Variants in NUP205 observed in about 807,000 individuals in gnomAD.
NUP205 encodes nucleoporin 205.
In NUP205, 76 loss-of-function variants were observed where a neutral mutation model predicts 253.8. The observed-to-expected ratio is 0.30, with a 90% CI of 0.25 to 0.36. NUP205 has a LOEUF of 0.36. Among genes scored for constraint, NUP205 ranks in the 10% least tolerant of loss-of-function variants. The pLI is 1.00. For missense variants in NUP205, 2,162 were observed against 2,425.5 expected (o/e 0.89, Z 2.28); for synonymous variants, 832 against 850.1 (o/e 0.98, Z 0.37).
chr7:135,602,088 C>G (rs1309701249), intron 17 of NUP205, among the ~76,000 whole-genome samples: 1 of 152,214 alleles, frequency 6.6e-6, no homozygotes, highest in African/African-American at 2.4e-5. Flanking sequence ...ACCTAGTCAT[C>G]TTGGCTCCAG....
Position 135,606,773 on chromosome 7 carries a change from A to G in NUP205, c.2928A>G (p.Leu976=). Residue 976 remains leucine (L), a synonymous_variant, in exon 21 of 43, where the codon TTA becomes TTG. Coordinates refer to ENST00000285968, the MANE Select transcript of NUP205 (RefSeq NM_015135.3). ...LEEGSELEKK[L]VAIRHETRIH... ...AAGGATCAGAACTTGAAAAGAAATT[A>G]GTTGCAATTCGTCATGAAACAAGAA... 6.2e-7 allele frequency: 1 copy of G among 1,613,700 alleles called. No individual in the cohort carries two copies. The highest frequency in any genetic ancestry group is 1.1e-5 in the South Asian group (1 of 91,056).
chr7:135,614,033 C>T (rs1200628001), intron 22 of NUP205, 126 bp from the exon 23 acceptor site: 7 of 540,342 alleles, frequency 1.3e-5, no homozygotes, highest in East Asian at 3.1e-5. Context: ...TCTGTTTGTC[C>T]ATTTTACTTG....
At chr7:135,622,186 A>C (rs1416421208) in intron 30 of NUP205, among the ~76,000 whole-genome samples, 1 of 151,648 alleles carries the variant, frequency 6.6e-6, no homozygotes, top group East Asian at 2.0e-4. Flanking sequence ...GCACTTTGGG[A>C]GGCCAAGGCA....
rs546978226 is a variant in NUP205 at position 135,641,228 on chromosome 7, C to T, written c.5393-1964C>T. 1.1e-4 allele frequency among the ~76,000 whole-genome samples: 16 copies of T among 152,298 alleles called. No homozygotes were observed. In the East Asian group the frequency reaches 2.7e-3, roughly 26 times the overall value. ...ATTCCTGAAATGCTTTGGAGTCCTC[C>T]AAGCATTCAATCATCCTCTTTGTGG... On this transcript the variant is annotated intron_variant, in intron 38 of 42. Transcript: ENST00000285968.
intron 41 of NUP205, 68 bp downstream of exon 41, chr7:135,645,664 T>G: frequency 7.0e-7 from 1 of 1,427,130 alleles, no homozygotes; most frequent in South Asian, 1.3e-5. Context: ...TAGTACCAGT[T>G]TTTTTTTATT....
chr7:135,594,272 G>C (rs780310260), intron 12 of NUP205, among the ~76,000 whole-genome samples: 1 of 151,740 alleles, frequency 6.6e-6, no homozygotes, highest in African/African-American at 2.4e-5. Flanking sequence ...CAACCCTTGC[G>C]GACCATTTAT....
intron 1 of NUP205, among the ~76,000 whole-genome samples, chr7:135,570,801 TA>T (rs1240944470): frequency 9.4e-6 from 1 of 106,860 alleles, no homozygotes; most frequent in East Asian, 2.1e-4. Context: ...TATATTATAT[TA>T]ATATATATTA....
At chr7:135,577,231 A>G in intron 5 of NUP205, 103 bp downstream of exon 5, 3 of 1,133,422 alleles carry the variant, frequency 2.6e-6, no homozygotes, top group Non-Finnish European at 3.8e-6. Context: ...TATGTAGCTG[A>G]TACCATGCCT....
intron 1 of NUP205, among the ~76,000 whole-genome samples, chr7:135,562,240 A>G (rs1480408266): frequency 6.6e-6 from 1 of 152,184 alleles, no homozygotes; most frequent in East Asian, 1.9e-4. Context: ...TCTGTCGCCC[A>G]GACTGGAGTG....
rs1298730606 is a variant in NUP205 at position 135,629,497 on chromosome 7, CTCTCTCTCTCTCTG to C, written c.4933-835_4933-822del. 2.7e-3 allele frequency among the ~76,000 whole-genome samples: 369 copies of C among 138,870 alleles called. 1 individual carries two copies. Among genetic ancestry groups the C allele is most frequent in the African/African-American group, 9.2e-3 (351 of 38,270 alleles). The allele number at this position is 138,870 out of a possible 152,430, so 91.1% of individuals were successfully genotyped here. A position where few individuals can be genotyped will look rare whatever the true frequency, so the allele number is the denominator to read the frequency against. On this transcript the variant is annotated intron_variant, in intron 34 of 42. Coordinates refer to ENST00000285968, the MANE Select transcript of NUP205 (RefSeq NM_015135.3). ...TCTCTCTCTCTCTCTCTCTCTCTCT[CTCTCTCTCTCTCTG>C]TCTCTCTCTCTGTCTCTCTTTTTTT...
At chr7:135,599,387 T>C (rs1793917163) in intron 15 of NUP205, among the ~76,000 whole-genome samples, 1 of 152,172 alleles carries the variant, frequency 6.6e-6, no homozygotes, top group Admixed American at 6.5e-5. Context: ...AATTTTTGCT[T>C]GCCAGGTTGT....
At chr7:135,582,990 G>A (rs555077606) in intron 7 of NUP205, among the ~76,000 whole-genome samples, 3 of 151,564 alleles carry the variant, frequency 2.0e-5, no homozygotes, top group African/African-American at 7.3e-5. Flanking sequence ...CTTGGGAGGC[G>A]GAGACAGGAG....
At chr7:135,599,488 C>CATTATTAATAAATGAGCATTTATTA (rs1194964265) in intron 15 of NUP205, among the ~76,000 whole-genome samples, 1 of 152,114 alleles carries the variant, frequency 6.6e-6, no homozygotes, top group Non-Finnish European at 1.5e-5. Context: ...TAACAGCAAC[C>CATTATTAATAAATGAGCATTTATTA]ATGCCTCATT....
intron 25 of NUP205, 84 bp downstream of exon 25, chr7:135,616,810 G>A: frequency 1.3e-6 from 1 of 794,762 alleles, no homozygotes; most frequent in Non-Finnish European, 1.8e-6. Flanking sequence ...TTATGCCTGT[G>A]CCTCCAAACT....
At chr7:135,617,537 C>A in intron 26 of NUP205, 65 bp from the exon 27 acceptor site, 2 of 1,199,144 alleles carry the variant, frequency 1.7e-6, no homozygotes, top group Non-Finnish European at 2.5e-6. Flanking sequence ...ATGGTAATTG[C>A]TAGGTGTTAC....
chr7:135,568,088 G>T (rs1031997164), intron 1 of NUP205, among the ~76,000 whole-genome samples: 2 of 151,944 alleles, frequency 1.3e-5, no homozygotes, highest in Non-Finnish European at 2.9e-5. Context: ...AGACGGGCGT[G>T]GTGGCACGCC....
rs1038577746 is a variant in NUP205, at chr7:135,564,402, A to G, written c.28+6430A>G. ...ACTGGGATTACAGGTGTTAGCCACC[A>G]TGCCCAGCTAATTTTTTTGTGTGTG... On this transcript the variant is annotated intron_variant, in intron 1 of 42. Transcript: ENST00000285968. 2.6e-5 allele frequency among the ~76,000 whole-genome samples: 4 copies of G among 151,836 alleles called. 1 individual carries two copies. The highest frequency in any genetic ancestry group is 2.1e-4 in the South Asian group (1 of 4,818).
chr7:135,597,479 A>C, intron 14 of NUP205, 61 bp downstream of exon 14: 1 of 1,000,002 alleles, frequency 1.0e-6, no homozygotes, highest in Non-Finnish European at 1.6e-6. Flanking sequence ...TAAGAAGTCT[A>C]TGAATCATTC....
chr7:135,607,067 A>G, intron 21 of NUP205, 152 bp downstream of exon 21: 1 of 1,121,354 alleles, frequency 8.9e-7, no homozygotes, highest in South Asian at 1.6e-5. Context: ...AGGGCTTAGA[A>G]CAAGACTGGA....
Sources: allele counts gnomAD v4.1 joint callset (sites outside exome capture counted in the v4.1 genomes callset), GRCh38; gene constraint gnomAD v4.1.1; transcripts MANE v1.5; gene names NCBI Gene and HGNC (gene_info 2026-07-23, HGNC 2026-07-21).